ABLIM2: variants seen among roughly 807,000 people sequenced by gnomAD.
ABLIM2 encodes actin binding LIM protein family member 2, also known as actin-binding LIM protein 2.
Under a neutral mutation model 97.7 loss-of-function variants are expected in ABLIM2, and 53 were observed. The ratio of observed to expected loss-of-function variants is 0.54; its 90% CI spans 0.44 to 0.68. The LOEUF is 0.68. Among genes scored for constraint, ABLIM2 ranks in the 30% least tolerant of loss-of-function variants. The pLI, the probability that ABLIM2 is intolerant of heterozygous loss-of-function variation, is 0.00. For missense variants in ABLIM2, 835 were observed against 867.2 expected (o/e 0.96, Z 0.47); for synonymous variants, 361 against 345.8 (o/e 1.04, Z -0.49).
intron 12 of ABLIM2, among the ~76,000 whole-genome samples, chr4:8,025,823 C>T (rs1776961193): frequency 6.6e-6 from 1 of 152,164 alleles, no homozygotes; most frequent in Non-Finnish European, 1.5e-5. Flanking sequence ...TGTCCAGGGC[C>T]TCCTGGCATG....
At position 8,036,103 on chromosome 4, in the gene ABLIM2, C is replaced by T. The variant is rs182327068; in HGVS notation, c.1047+46G>A. ...GGATGACGCCTGTCCTGCAGGGCAGCACTTGGGGACACAGGTGTCCAGGGC... is the reference window on the plus strand; with the variant it reads ...GGATGACGCCTGTCCTGCAGGGCAGTACTTGGGGACACAGGTGTCCAGGGC... On this transcript the variant is annotated intron_variant, in intron 10 of 20. Coordinates refer to ENST00000447017, the MANE Select transcript of ABLIM2 (RefSeq NM_001130083.2). The T allele has an allele frequency of 7.7e-5, 123 of 1,604,142 alleles. No individual in the cohort carries two copies. The African/African-American group carries it at 1.2e-3, about 16-fold the overall frequency.
At chr4:8,010,180 T>C (rs1039713453) in intron 14 of ABLIM2, among the ~76,000 whole-genome samples, 1 of 152,214 alleles carries the variant, frequency 6.6e-6, no homozygotes, top group South Asian at 2.1e-4. Context: ...GGATTTTCCA[T>C]TTGCCTTTTT....
At chr4:8,064,810 G>A (rs566491432) in intron 6 of ABLIM2, among the ~76,000 whole-genome samples, 78 of 152,262 alleles carry the variant, frequency 5.1e-4, no homozygotes, top group African/African-American at 1.6e-3. Flanking sequence ...TTCTTGACTC[G>A]GTACTGGTTC....
intron 20 of ABLIM2, among the ~76,000 whole-genome samples, chr4:7,982,627 A>G (rs994812207): frequency 6.6e-6 from 1 of 152,218 alleles, no homozygotes; most frequent in African/African-American, 2.4e-5. Flanking sequence ...AGATGGGTGT[A>G]AGTGTGGTCG....
At chr4:8,137,317 G>A (rs957384379) in intron 1 of ABLIM2, among the ~76,000 whole-genome samples, 1 of 152,242 alleles carries the variant, frequency 6.6e-6, no homozygotes, top group Non-Finnish European at 1.5e-5. Flanking sequence ...CCCTGGTCAA[G>A]GAAGACAGAC....
At chr4:8,096,713 G>T (rs1831787105) in intron 3 of ABLIM2, among the ~76,000 whole-genome samples, 1 of 152,232 alleles carries the variant, frequency 6.6e-6, no homozygotes, top group South Asian at 2.1e-4. Flanking sequence ...ACGAGTCAGG[G>T]GCTGGGGAGG....
intron 11 of ABLIM2, 130 bp from the exon 12 acceptor site, chr4:8,027,987 C>G (rs991879628): frequency 1.6e-6 from 1 of 626,412 alleles, no homozygotes; most frequent in Non-Finnish European, 2.5e-6. Flanking sequence ...CTTTTTGCAC[C>G]TGAAGGTGGT....
At chr4:7,984,031 C>A (rs1255699745) in intron 18 of ABLIM2, among the ~76,000 whole-genome samples, 1 of 151,708 alleles carries the variant, frequency 6.6e-6, no homozygotes, top group Admixed American at 6.6e-5. Context: ...GAGCTCTGCC[C>A]CCTAATGTCT....
chr4:8,106,588 C>T lies in ABLIM2; in HGVS notation c.60G>A (p.Thr20=), dbSNP rs41266521. ...TCCCACACGTGTTGCACAGGATCGCCGTGCTGGGCGACTTCTCCAGCGGGC... is the reference window on the plus strand; with the variant it reads ...TCCCACACGTGTTGCACAGGATCGCTGTGCTGGGCGACTTCTCCAGCGGGC... ...APSPLEKSPS[T]AILCNTCGNV... Residue 20 remains threonine (T), a synonymous_variant, in exon 2 of 21, where the codon ACG becomes ACA. Coordinates refer to ENST00000447017, the MANE Select transcript of ABLIM2 (RefSeq NM_001130083.2). The T allele has an allele frequency of 0.081, 130,771 of 1,611,230 alleles. 6,620 individuals are homozygous for T. Among genetic ancestry groups the T allele is most frequent in the African/African-American group, 0.21 (15,865 of 74,968 alleles).
Position 8,097,181 on chromosome 4 carries a change from A to G in ABLIM2, c.256T>C (p.Cys86Arg). 6.2e-7 allele frequency: 1 copy of G among 1,603,966 alleles called. No individual in the cohort carries two copies. The highest frequency in any genetic ancestry group is 8.5e-7 in the Non-Finnish European group (1 of 1,175,626). ...ACCTCACCCTCAATGAACTGGTCGC[A>G]GCTGAAGCAGCGGGTGCCGTAGAGC... is the stretch of plus-strand genomic sequence containing the variant. ...QRLYGTRCFS[C>R]DQFIEGEVVS... Residue 86 changes from cysteine to arginine, a missense_variant, in exon 3 of 21, where the codon TGC (cysteine) becomes CGC (arginine). Cys to Arg is a radical substitution (Grantham distance 180). Transcript: ENST00000447017.
chr4:8,079,969 G>A (rs758801380), intron 5 of ABLIM2, among the ~76,000 whole-genome samples: 32 of 152,104 alleles, frequency 2.1e-4, no homozygotes, highest in Admixed American at 5.9e-4. Flanking sequence ...CCACATATTC[G>A]CCCCTCACCT....
At chr4:8,012,429 G>A (rs912339085) in intron 14 of ABLIM2, among the ~76,000 whole-genome samples, 9 of 87,590 alleles carry the variant, frequency 1.0e-4, no homozygotes, top group Non-Finnish European at 1.6e-4. Context: ...TCATCTACCC[G>A]CCCACCCATC....
In ABLIM2 at chr4:8,158,784, G is replaced by T. The variant is rs1716271034; in HGVS notation, c.-95C>A. 14 of 1,143,994 alleles carry T rather than the reference G, an allele frequency of 1.2e-5. No individual in the cohort carries two copies. Among genetic ancestry groups the T allele is most frequent in the Non-Finnish European group, 1.5e-5 (14 of 907,936 alleles). 70.9% of individuals were successfully genotyped at this position (1,143,994 alleles called of 1,614,324 possible). A position where few individuals can be genotyped will look rare whatever the true frequency, so the allele number is the denominator to read the frequency against. On this transcript the variant is annotated 5_prime_UTR_variant, in exon 1 of 21. Coordinates refer to ENST00000447017, the MANE Select transcript of ABLIM2 (RefSeq NM_001130083.2). Reference sequence around the variant, plus strand: ...CGCCCGCGCTATCCTCCGCCCGCCCGCCGGCTCCGCGCCCGCTCCTTGCGC... The same window carrying T: ...CGCCCGCGCTATCCTCCGCCCGCCCTCCGGCTCCGCGCCCGCTCCTTGCGC...
At chr4:8,076,147 G>C (rs913618865) in intron 6 of ABLIM2, among the ~76,000 whole-genome samples, 1 of 152,230 alleles carries the variant, frequency 6.6e-6, no homozygotes, top group African/African-American at 2.4e-5. Flanking sequence ...TCTGCAGCTG[G>C]GGAAGTGAGA....
intron 18 of ABLIM2, among the ~76,000 whole-genome samples, chr4:7,984,517 G>A (rs1356408662): frequency 6.6e-6 from 1 of 152,256 alleles, no homozygotes; most frequent in African/African-American, 2.4e-5. Context: ...TTGGCCCAGC[G>A]CCGTCCCGCT....
At chr4:8,063,484 T>C (rs1040727325) in intron 6 of ABLIM2, among the ~76,000 whole-genome samples, 1 of 152,222 alleles carries the variant, frequency 6.6e-6, no homozygotes, top group African/African-American at 2.4e-5. Flanking sequence ...CTTGCAGCAG[T>C]GCTATGGGTA....
Position 8,029,685 on chromosome 4 carries a change from G to A in ABLIM2, c.1139C>T (p.Ser380Leu). The A allele has an allele frequency of 6.4e-7, 1 of 1,550,658 alleles. No homozygotes were observed. Among genetic ancestry groups the A allele is most frequent in the Non-Finnish European group, 8.7e-7 (1 of 1,146,980 alleles). Residue 380 changes from serine (S) to leucine (L), a missense_variant, in exon 11 of 21, where the codon TCA becomes TTA. Transcript: ENST00000447017. ...ACGGCTGTAGTGCTGTGGTGACCGT[G>A]AGGTCGGAGTGTAGCGCCCGAGGCT... ...SVSLGRYTPT[S>L]RSPQHYSRPA...
chr4:8,016,977 T>C (rs1553942196), intron 14 of ABLIM2, among the ~76,000 whole-genome samples: 1 of 152,224 alleles, frequency 6.6e-6, no homozygotes, highest in Non-Finnish European at 1.5e-5. Context: ...AATTCCTCAG[T>C]ACTTTCAACA....
Position 8,036,197 on chromosome 4 carries a change from G to A in ABLIM2, c.999C>T (p.Tyr333=), listed in dbSNP as rs1271414290. ...YDIDRPDMIS[Y]SPYISHSAGD... ...CTGCAGAGTGGCTGATGTAGGGTGA[G>A]TAGGAGATCATGTCGGGGCGGTCGA... Residue 333 remains tyrosine (Y), a synonymous_variant, in exon 10 of 21, where the codon TAC becomes TAT. Coordinates refer to ENST00000447017, the MANE Select transcript of ABLIM2 (RefSeq NM_001130083.2). The A allele has an allele frequency of 1.2e-6, 2 of 1,613,810 alleles. No homozygotes were observed. Among genetic ancestry groups the A allele is most frequent in the Non-Finnish European group, 8.5e-7 (1 of 1,179,830 alleles).
Sources: allele counts gnomAD v4.1 joint callset (sites outside exome capture counted in the v4.1 genomes callset), GRCh38; gene constraint gnomAD v4.1.1; transcripts MANE v1.5; gene names NCBI Gene and HGNC (gene_info 2026-07-23, HGNC 2026-07-21).